DCC: variants seen among roughly 807,000 people sequenced by gnomAD.
The protein encoded by DCC is netrin receptor DCC.
A neutral mutation model predicts 172.5 loss-of-function variants in DCC; 58 were observed. The ratio of observed to expected loss-of-function variants is 0.34; its 90% CI spans 0.27 to 0.42. DCC has a LOEUF of 0.42. Ranked by LOEUF, DCC falls within the 10% of genes least tolerant of loss-of-function variation. The pLI, the probability that DCC is intolerant of heterozygous loss-of-function variation, is 1.00. For missense variants in DCC, 1,740 were observed against 1,791.0 expected (o/e 0.97, Z 0.51); for synonymous variants, 709 against 644.5 (o/e 1.10, Z -1.52).
intron 2 of DCC, among the ~76,000 whole-genome samples, chr18:52,769,605 C>T (rs2037307489): frequency 1.3e-5 from 2 of 152,138 alleles, no homozygotes; most frequent in South Asian, 4.1e-4. Flanking sequence ...TTATTTCTTT[C>T]AAGGATCATG....
rs777443175 is a variant in DCC at position 53,450,573 on chromosome 18, C to T, written c.3303C>T (p.Ile1101=). 6.2e-7 allele frequency: 1 copy of T among 1,614,030 alleles called. No homozygotes were observed. The highest frequency in any genetic ancestry group is 2.2e-5 in the East Asian group (1 of 44,840). ...TPQKNSNLLV[I]IVVTVGVITV... Reference sequence around the variant, plus strand: ...AGAAGAACAGCAACCTGCTTGTGATCATTGTGGTCACCGTTGGTGTCATCA... The same window carrying T: ...AGAAGAACAGCAACCTGCTTGTGATTATTGTGGTCACCGTTGGTGTCATCA... The change falls in exon 23 of 29, where the codon ATC becomes ATT. Residue 1101 remains isoleucine (I), a synonymous_variant. Coordinates refer to ENST00000442544, the MANE Select transcript of DCC (RefSeq NM_005215.4).
chr18:53,474,945 T>A (rs112442017), intron 25 of DCC, among the ~76,000 whole-genome samples: 6,213 of 152,242 alleles, frequency 0.041, 428 homozygotes, highest in African/African-American at 0.14. Flanking sequence ...ATACAGACAA[T>A]GAAATACAGT....
chr18:53,533,623 A>G lies in DCC; in HGVS notation c.*2970A>G, dbSNP rs772369388. On this transcript the variant is annotated 3_prime_UTR_variant, in exon 29 of 29. Coordinates refer to ENST00000442544, the MANE Select transcript of DCC (RefSeq NM_005215.4). ...GAATATTTGGATGATGCTCTAGCCA[A>G]AAGTTAAATATTTCGTAGTGAATCA... 34 of 152,338 alleles carry G rather than the reference A, an allele frequency of 2.2e-4. No homozygotes were observed. The highest frequency in any genetic ancestry group is 4.4e-4 in the Non-Finnish European group (30 of 68,028). The allele number at this position is 152,338 out of a possible 1,614,324, so 9.4% of individuals were successfully genotyped here. A position where few individuals can be genotyped will look rare whatever the true frequency, so the allele number is the denominator to read the frequency against.
chr18:53,285,773 G>A (rs2056928623), intron 12 of DCC, among the ~76,000 whole-genome samples: 1 of 152,176 alleles, frequency 6.6e-6, no homozygotes, highest in Admixed American at 6.5e-5. Flanking sequence ...AGCCAGGGAG[G>A]AGACCGTACC....
At chr18:53,226,949 T>TATATATATATA (rs1555734428) in intron 12 of DCC, among the ~76,000 whole-genome samples, 7 of 47,472 alleles carry the variant, frequency 1.5e-4, no homozygotes, top group Middle Eastern at 8.9e-3. Flanking sequence ...TATATATATA[T>TATATATATATA]TTTTTTTTTT....
At chr18:52,614,018 T>A (rs1305123289) in intron 1 of DCC, among the ~76,000 whole-genome samples, 1 of 152,160 alleles carries the variant, frequency 6.6e-6, no homozygotes, top group Admixed American at 6.5e-5. Flanking sequence ...GCAAAGGGAT[T>A]CCAGACTGTT....
At chr18:52,489,238 T>A (rs1277628752) in intron 1 of DCC, among the ~76,000 whole-genome samples, 1 of 152,088 alleles carries the variant, frequency 6.6e-6, no homozygotes, top group Admixed American at 6.6e-5. Flanking sequence ...CTCTCCGTAG[T>A]CAACTTTAGG....
intron 15 of DCC, among the ~76,000 whole-genome samples, chr18:53,370,277 C>A (rs984526986): frequency 6.6e-6 from 1 of 151,632 alleles, no homozygotes; most frequent in South Asian, 2.1e-4. Context: ...CTTCTTATTT[C>A]TTTAAATCAG....
At chr18:52,728,199 C>T (rs1312452070) in intron 1 of DCC, among the ~76,000 whole-genome samples, 1 of 151,738 alleles carries the variant, frequency 6.6e-6, no homozygotes, top group African/African-American at 2.4e-5. Flanking sequence ...CTCTCTCAAT[C>T]TCTCTCAATG....
At chr18:52,475,971 C>A (rs1057188467) in intron 1 of DCC, among the ~76,000 whole-genome samples, 38 of 152,120 alleles carry the variant, frequency 2.5e-4, no homozygotes, top group African/African-American at 8.0e-4. Context: ...AAGATTAGTT[C>A]TTTTCCAGAT....
At chr18:52,778,308 A>G (rs9963981) in intron 2 of DCC, among the ~76,000 whole-genome samples, 4 of 152,188 alleles carry the variant, frequency 2.6e-5, no homozygotes, top group Admixed American at 6.5e-5. Context: ...CACTTTCTTC[A>G]GTTGCATGCC....
chr18:52,645,803 T>C (rs1375464609), intron 1 of DCC, among the ~76,000 whole-genome samples: 2 of 152,244 alleles, frequency 1.3e-5, no homozygotes, highest in Non-Finnish European at 2.9e-5. Flanking sequence ...CCTAAATTTA[T>C]TAATCTTAGC....
chr18:52,792,659 G>A (rs1022757282), intron 2 of DCC, among the ~76,000 whole-genome samples: 4 of 151,876 alleles, frequency 2.6e-5, no homozygotes, highest in Non-Finnish European at 5.9e-5. Flanking sequence ...CTTTAAGAAT[G>A]GCAGGCATGC....
At chr18:52,927,897 C>G (rs2040244225) in intron 5 of DCC, among the ~76,000 whole-genome samples, 1 of 151,996 alleles carries the variant, frequency 6.6e-6, no homozygotes, top group African/African-American at 2.4e-5. Context: ...CTATTTGACC[C>G]AACAATCCTG....
At chr18:52,637,945 C>G (rs144938289) in intron 1 of DCC, among the ~76,000 whole-genome samples, 6 of 152,202 alleles carry the variant, frequency 3.9e-5, no homozygotes, top group African/African-American at 1.4e-4. Context: ...TAAAGGAAAA[C>G]CTATCATATT....
intron 5 of DCC, among the ~76,000 whole-genome samples, chr18:52,949,917 T>C (rs530469084): frequency 2.6e-4 from 40 of 152,282 alleles, no homozygotes; most frequent in African/African-American, 9.6e-4. Context: ...GAAAAAAGAA[T>C]GTAGAAGGCT....
chr18:52,433,978 A>G lies in DCC; in HGVS notation c.91+93100A>G, dbSNP rs117680322. Among the ~76,000 whole-genome samples the G allele has an allele frequency of 1.8e-3, 267 of 152,344 alleles. 6 individuals carry two copies. The East Asian group carries it at 0.042, about 24-fold the overall frequency. ...TAAAAAAATCACACATGTAGGTCCA[A>G]GGGAAAAAAGTGCCATGTAAGCAGT... On this transcript the variant is annotated intron_variant, in intron 1 of 28. Transcript: ENST00000442544.
intron 3 of DCC, among the ~76,000 whole-genome samples, chr18:52,912,501 A>G (rs550921706): frequency 7.2e-5 from 11 of 152,066 alleles, no homozygotes; most frequent in Middle Eastern, 3.4e-3. Context: ...TCTGCATTTT[A>G]TTTTCACATC....
intron 5 of DCC, among the ~76,000 whole-genome samples, chr18:53,014,900 A>G (rs2041786995): frequency 6.6e-6 from 1 of 152,184 alleles, no homozygotes; most frequent in Admixed American, 6.5e-5. Flanking sequence ...AGGAATTGAC[A>G]TCTCCATTTA....
Sources: gnomAD v4.1 joint callset for allele counts (sites outside exome capture counted in the v4.1 genomes callset) on GRCh38, gnomAD v4.1.1 for gene constraint, MANE v1.5 for transcripts, NCBI Gene and HGNC (gene_info 2026-07-23, HGNC 2026-07-21) for gene names.